Variants in USP37 observed in about 807,000 individuals in gnomAD.
USP37 encodes the protein ubiquitin carboxyl-terminal hydrolase 37.
Under a neutral mutation model 124.0 loss-of-function variants are expected in USP37, and 27 were observed. That is an observed-to-expected ratio of 0.22 (90% CI 0.16 to 0.30). USP37 has a LOEUF of 0.30. Among genes scored for constraint, USP37 ranks in the 10% least tolerant of loss-of-function variants. The pLI, the probability that USP37 is intolerant of heterozygous loss-of-function variation, is 1.00. For synonymous variants in USP37, 365 were observed against 388.0 expected (o/e 0.94, Z 0.70); for missense variants, 889 against 1,140.4 (o/e 0.78, Z 3.17).
At chr2:218,463,175 AACACACACACACACACACACAC>A (rs3835979) in intron 22 of USP37, 109 bp downstream of exon 22, 30,944 of 524,742 alleles carry the variant, frequency 0.059, 778 homozygotes, top group African/African-American at 0.18. Context: ...CCCCACAATA[AACACACACACACACACACACAC>A]ACACACACAC....
rs2073745905 is a variant in USP37 at position 218,459,892 on chromosome 2, G to T, written c.2541C>A (p.Ser847=). Residue 847 remains serine (S), a synonymous_variant, in exon 23 of 26, where the codon TCC becomes TCA. Transcript: ENST00000258399. ...CATCAGAACCCAATGCATCCACAAA[G>T]GAGTTGTTAAACTCTGAAGAATACA... is the stretch of plus-strand genomic sequence containing the variant. ...TELSLQEFNN[S]FVDALGSDED... 18 of 1,613,104 alleles carry T rather than the reference G, an allele frequency of 1.1e-5. No individual in the cohort carries two copies. Among genetic ancestry groups the T allele is most frequent in the Non-Finnish European group, 1.5e-5 (18 of 1,179,482 alleles).
At chr2:218,542,422 C>G (rs910647538) in intron 8 of USP37, among the ~76,000 whole-genome samples, 2 of 152,162 alleles carry the variant, frequency 1.3e-5, no homozygotes, top group African/African-American at 4.8e-5. Flanking sequence ...TCTGGTGTAC[C>G]TCCCTGATGT....
chr2:218,528,803 GAAAAAAAAAAAAAAAAAAAAAAAAA>G (rs58650311), intron 10 of USP37: 89 of 29,728 alleles, frequency 3.0e-3, no homozygotes, highest in Non-Finnish European at 5.1e-3. Context: ...CAATAAATCT[GAAAAAAAAAAAAAAAAAAAAAAAAA>G]AAAAAAAAAA....
chr2:218,459,892 G>A lies in USP37; in HGVS notation c.2541C>T (p.Ser847=). Residue 847 remains serine, a synonymous_variant, in exon 23 of 26, where the codon TCC becomes TCT. Coordinates refer to ENST00000258399, the MANE Select transcript of USP37 (RefSeq NM_020935.3). ...CATCAGAACCCAATGCATCCACAAA[G>A]GAGTTGTTAAACTCTGAAGAATACA... is the stretch of plus-strand genomic sequence containing the variant. ...TELSLQEFNN[S]FVDALGSDED... 2 of 1,613,104 alleles carry A rather than the reference G, an allele frequency of 1.2e-6. No individual in the cohort carries two copies. Among genetic ancestry groups the A allele is most frequent in the Non-Finnish European group, 1.7e-6 (2 of 1,179,482 alleles).
intron 8 of USP37, among the ~76,000 whole-genome samples, chr2:218,544,406 A>ATATAT (rs1553557242): frequency 1.2e-5 from 1 of 82,994 alleles, no homozygotes; most frequent in African/African-American, 6.9e-5. Flanking sequence ...AAAAAAAAAA[A>ATATAT]ATATATATAT....
At chr2:218,567,809 G>A (rs779255471) in intron 1 of USP37, among the ~76,000 whole-genome samples, 3 of 152,214 alleles carry the variant, frequency 2.0e-5, no homozygotes, top group Non-Finnish European at 2.9e-5. Context: ...AGGTGAAGAT[G>A]GTCAAGAGAG....
At chr2:218,509,946 A>G (rs748376102) in intron 11 of USP37, 33 bp downstream of exon 11, 2 of 1,499,672 alleles carry the variant, frequency 1.3e-6, no homozygotes, top group South Asian at 2.8e-5. Flanking sequence ...ATCACTTTAT[A>G]AAAAAGAAAG....
chr2:218,459,590 TTTTG>T (rs139713541), intron 23 of USP37, among the ~76,000 whole-genome samples, 196 bp downstream of exon 23: 7,276 of 152,262 alleles, frequency 0.048, 307 homozygotes, highest in African/African-American at 0.12. Context: ...TTCCTGTTTT[TTTTG>T]TTTGTTTGTT....
intron 6 of USP37, among the ~76,000 whole-genome samples, chr2:218,547,514 T>C (rs1692415955): frequency 6.6e-6 from 1 of 150,704 alleles, no homozygotes; most frequent in Non-Finnish European, 1.5e-5. Flanking sequence ...TCCTATAGCA[T>C]TCTTATAAAC....
At chr2:218,473,509 A>C (rs920235540) in intron 20 of USP37, among the ~76,000 whole-genome samples, 21 of 152,224 alleles carry the variant, frequency 1.4e-4, no homozygotes, top group African/African-American at 4.1e-4. Context: ...GAATGTAGAA[A>C]ATAATTTCCT....
In USP37 at chr2:218,497,872, A is replaced by AAC. The variant is rs1487013871; in HGVS notation, c.1158-17_1158-16dup. 1 of 1,610,590 alleles carries AAC rather than the reference A, an allele frequency of 6.2e-7. No homozygotes were observed. ...GTGCAAAGCGTCTAGTAAAACAAAA[A>AAC]ACACAAAGTTAGCACGTTTTACATG... On this transcript the variant is annotated splice_polypyrimidine_tract_variant and intron_variant, in intron 12 of 25. Coordinates refer to ENST00000258399, the MANE Select transcript of USP37 (RefSeq NM_020935.3).
At chr2:218,485,841 T>G (rs1691532157) in intron 15 of USP37, 98 bp from the exon 16 acceptor site, 2 of 1,308,998 alleles carry the variant, frequency 1.5e-6, no homozygotes, top group Non-Finnish European at 2.1e-6. Flanking sequence ...ATTAGTGGAA[T>G]GACAACTCTG....
intron 10 of USP37, among the ~76,000 whole-genome samples, chr2:218,516,912 C>T (rs967016704): frequency 6.6e-6 from 1 of 152,168 alleles, no homozygotes; most frequent in African/African-American, 2.4e-5. Context: ...ATTAACATCT[C>T]TGATTCTAAC....
In USP37 at chr2:218,529,733, C is replaced by T. The variant is rs569846687; in HGVS notation, c.863+223G>A. Among the ~76,000 whole-genome samples the T allele has an allele frequency of 9.6e-4, 146 of 152,126 alleles. 1 individual carries two copies. The highest frequency in any genetic ancestry group is 3.4e-3 in the African/African-American group (141 of 41,502). On this transcript the variant is annotated intron_variant, in intron 10 of 25. Coordinates refer to ENST00000258399, the MANE Select transcript of USP37 (RefSeq NM_020935.3). ...ATCTCCAAGGCTCAAGTGATCCTTC[C>T]ACCTCAGCCTCTCAAAGTGCTGGGA...
chr2:218,547,411 T>TTTGTTG (rs60295941), intron 6 of USP37, among the ~76,000 whole-genome samples: 151,126 of 151,862 alleles, frequency 1, 75,199 homozygotes, highest in South Asian at 1. Flanking sequence ...ATTCATCAGT[T>TTTGTTG]TTGTTGTTGT....
chr2:218,560,244 C>A (rs1350009361), intron 3 of USP37, among the ~76,000 whole-genome samples: 1 of 152,056 alleles, frequency 6.6e-6, no homozygotes, highest in Non-Finnish European at 1.5e-5. Flanking sequence ...AAATTAAACA[C>A]AATTAAACAT....
intron 13 of USP37, among the ~76,000 whole-genome samples, chr2:218,496,816 T>A (rs1397341260): frequency 6.6e-6 from 1 of 151,652 alleles, no homozygotes; most frequent in Non-Finnish European, 1.5e-5. Flanking sequence ...GCCTGGCTAA[T>A]TTTTTTGTAT....
chr2:218,550,510 C>G (rs1233352597), intron 5 of USP37, among the ~76,000 whole-genome samples: 1 of 151,278 alleles, frequency 6.6e-6, no homozygotes, highest in East Asian at 1.9e-4. Context: ...AAGTTGCAAA[C>G]AATGCTTAAC....
chr2:218,540,020 CTT>C (rs1024058107), intron 8 of USP37, among the ~76,000 whole-genome samples: 1 of 151,300 alleles, frequency 6.6e-6, no homozygotes, highest in Non-Finnish European at 1.5e-5. Context: ...AAAAAAAAAT[CTT>C]TTTTTTTATT....
Sources: allele counts gnomAD v4.1 joint callset (sites outside exome capture counted in the v4.1 genomes callset), GRCh38; gene constraint gnomAD v4.1.1; transcripts MANE v1.5; gene names NCBI Gene and HGNC (gene_info 2026-07-23, HGNC 2026-07-21).